Variants in GALNT16 observed in about 807,000 individuals in gnomAD.
GALNT16 encodes UDP-GalNAc:polypeptide N-acetylgalactosaminyltransferase-like protein 1.
GALNT16 carries 40 observed loss-of-function variants against 76.1 expected under a neutral mutation model. That is an observed-to-expected ratio of 0.53 (90% CI 0.41 to 0.68). The LOEUF is 0.68. Ranked by LOEUF, GALNT16 falls within the 30% of genes least tolerant of loss-of-function variation. GALNT16 has a pLI of 0.00. For synonymous variants in GALNT16, 276 were observed against 285.2 expected (o/e 0.97, Z 0.32); for missense variants, 621 against 731.9 (o/e 0.85, Z 1.75).
the GALNT16 span, among the ~76,000 whole-genome samples, chr14:69,383,926 T>A: frequency 6.6e-6 from 1 of 152,138 alleles, no homozygotes; most frequent in African/African-American, 2.4e-5. Context: ...GGAAGGAGGA[T>A]CACTTGAGCC....
At chr14:69,321,954 C>G (rs2045193998) in intron 2 of GALNT16, among the ~76,000 whole-genome samples, 1 of 152,240 alleles carries the variant, frequency 6.6e-6, no homozygotes, top group Admixed American at 6.5e-5. Flanking sequence ...GCTTTTACTT[C>G]TGAAGCAGCT....
the GALNT16 span, among the ~76,000 whole-genome samples, chr14:69,370,409 T>C: frequency 6.6e-6 from 1 of 152,234 alleles, no homozygotes; most frequent in Admixed American, 6.5e-5. Flanking sequence ...GCAGTGAATG[T>C]GGTCTGTGAA....
chr14:69,319,698 G>A (rs116894090), intron 1 of GALNT16, among the ~76,000 whole-genome samples: 1 of 152,202 alleles, frequency 6.6e-6, no homozygotes, highest in Non-Finnish European at 1.5e-5. Flanking sequence ...GGTAGGGTGT[G>A]GCCATGAAGG....
At chr14:69,341,478 G>A (rs1343302995) in intron 11 of GALNT16, among the ~76,000 whole-genome samples, 1 of 152,224 alleles carries the variant, frequency 6.6e-6, no homozygotes, top group East Asian at 1.9e-4. Context: ...TGATGAGTGA[G>A]GCATAGCCAG....
Position 69,333,267 on chromosome 14 carries a change from G to GCGCA in GALNT16, c.863+100_863+103dup. The GCGCA allele has an allele frequency of 1.2e-6, 1 of 823,582 alleles. No individual in the cohort carries two copies. Among genetic ancestry groups the GCGCA allele is most frequent in the Non-Finnish European group, 2.0e-6 (1 of 509,784 alleles). The allele number at this position is 823,582 out of a possible 1,614,324, so 51.0% of individuals were successfully genotyped here. On this transcript the variant is annotated intron_variant, in intron 8 of 14. Transcript: ENST00000448469. The surrounding 1 kb of genome is among the most constrained non-coding windows in gnomAD (Gnocchi z 4.2). ...TGTATCGGTCGCTTGGGCTCCTGAGGCGCACTAAGTGCTGACTCTGTTCTG... is the reference window on the plus strand; with the variant it reads ...TGTATCGGTCGCTTGGGCTCCTGAGGCGCACGCACTAAGTGCTGACTCTGTTCTG...
chr14:69,366,653 A>G, the GALNT16 span, among the ~76,000 whole-genome samples: 3 of 152,236 alleles, frequency 2.0e-5, no homozygotes, highest in Non-Finnish European at 4.4e-5. Context: ...GTTAATAAAA[A>G]TGAAAGCTGA....
chr14:69,290,069 A>C (rs547654349), intron 1 of GALNT16, among the ~76,000 whole-genome samples: 13 of 152,302 alleles, frequency 8.5e-5, no homozygotes, highest in African/African-American at 2.9e-4. Context: ...AATGAATTTC[A>C]TATGAACATA....
intron 1 of GALNT16, among the ~76,000 whole-genome samples, chr14:69,263,753 C>T (rs1258819722): frequency 6.6e-6 from 1 of 152,194 alleles, no homozygotes; most frequent in Non-Finnish European, 1.5e-5. Context: ...AATATTCTGT[C>T]CTGCTGTCGG....
rs1481921163 is a variant in GALNT16, at chr14:69,322,984, GCGCGCACGCGCGCACGCA to G, written c.336-1707_336-1690del. 9.3e-3 allele frequency among the ~76,000 whole-genome samples: 323 copies of G among 34,886 alleles called. 17 individuals are homozygous for G. Among genetic ancestry groups the G allele is most frequent in the African/African-American group, 0.056 (217 of 3,874 alleles). The allele number at this position is 34,886 out of a possible 152,430, so 22.9% of individuals were successfully genotyped here. A position where few individuals can be genotyped will look rare whatever the true frequency, so the allele number is the denominator to read the frequency against. Reference sequence around the variant, plus strand: ...TGTGTGTGTGTGTGTGTGTGTGTGCGCGCGCACGCGCGCACGCATGCACACGTGTAGGGAAGCAAAGGA... The same window carrying G: ...TGTGTGTGTGTGTGTGTGTGTGTGCGTGCACACGTGTAGGGAAGCAAAGGA... On this transcript the variant is annotated intron_variant, in intron 2 of 14. Transcript: ENST00000448469.
At chr14:69,302,320 GT>G (rs1257767292) in intron 1 of GALNT16, among the ~76,000 whole-genome samples, 1 of 151,844 alleles carries the variant, frequency 6.6e-6, no homozygotes. Context: ...AATAATAACT[GT>G]TTTTTTAAAA....
chr14:69,365,444 T>C, the GALNT16 span, among the ~76,000 whole-genome samples: 1 of 152,144 alleles, frequency 6.6e-6, no homozygotes, highest in Non-Finnish European at 1.5e-5. Context: ...GGCTAATTGA[T>C]ACAAAGGAAC....
chr14:69,315,899 G>C (rs982528334), intron 1 of GALNT16, among the ~76,000 whole-genome samples: 1 of 152,040 alleles, frequency 6.6e-6, no homozygotes. Flanking sequence ...TTCAGACAAG[G>C]TTTCTCCATG....
At chr14:69,289,722 A>G (rs1297381324) in intron 1 of GALNT16, among the ~76,000 whole-genome samples, 1 of 152,108 alleles carries the variant, frequency 6.6e-6, no homozygotes, top group Non-Finnish European at 1.5e-5. Context: ...CCCAGAACCC[A>G]GTGTAGATGT....
At chr14:69,260,048 A>C, upstream of GALNT16, 3 of 431,802 alleles carry the variant, frequency 6.9e-6, no homozygotes, top group Non-Finnish European at 8.4e-6. Flanking sequence ...CTGCGCACGA[A>C]TGAATGGGCG....
rs78485682 is a variant in GALNT16, at chr14:69,329,967, G to A, written c.690+1396G>A. 5.5e-3 allele frequency among the ~76,000 whole-genome samples: 842 copies of A among 152,220 alleles called. 4 individuals carry two copies. The highest frequency in any genetic ancestry group is 0.019 in the African/African-American group (774 of 41,510). ...GATAAATACCCAAACCATATCAGGAGCCTTCATATATTGCTGGCAGGAATG... is the reference window on the plus strand; with the variant it reads ...GATAAATACCCAAACCATATCAGGAACCTTCATATATTGCTGGCAGGAATG... On this transcript the variant is annotated intron_variant, in intron 6 of 14. Transcript: ENST00000448469.
chr14:69,370,736 G>GA, the GALNT16 span, among the ~76,000 whole-genome samples: 200 of 152,136 alleles, frequency 1.3e-3, no homozygotes, highest in Admixed American at 0.011. Flanking sequence ...AAGAGAATTT[G>GA]AAAAAATAAC....
chr14:69,338,470 C>T (rs960083137), intron 9 of GALNT16, among the ~76,000 whole-genome samples, 181 bp from the exon 10 acceptor site: 5 of 152,200 alleles, frequency 3.3e-5, no homozygotes, highest in African/African-American at 4.8e-5. Context: ...CACGTACACA[C>T]GTAGAGTGGG....
At chr14:69,320,898 GA>G in intron 2 of GALNT16, 30 bp downstream of exon 2, 1 of 1,599,396 alleles carries the variant, frequency 6.3e-7, no homozygotes, top group Non-Finnish European at 8.5e-7. Context: ...AGTGGAGGAA[GA>G]AAGACTGAGA....
chr14:69,269,892 A>G (rs2044386777), intron 1 of GALNT16, among the ~76,000 whole-genome samples: 1 of 151,868 alleles, frequency 6.6e-6, no homozygotes, highest in Admixed American at 6.6e-5. Flanking sequence ...GCCTGAAGCG[A>G]TGTAAAAGGG....
Sources: gnomAD v4.1 joint callset for allele counts (sites outside exome capture counted in the v4.1 genomes callset) on GRCh38, gnomAD v4.1.1 for gene constraint, Gnocchi (gnomAD v3.1) non-coding constraint, MANE v1.5 for transcripts, NCBI Gene and HGNC (gene_info 2026-07-23, HGNC 2026-07-21) for gene names.